The following NCKAP5 variants were observed in gnomAD, a reference collection of about 807,000 sequenced individuals.
The protein encoded by NCKAP5 is nck-associated protein 5.
A neutral mutation model predicts 167.0 loss-of-function variants in NCKAP5; 92 were observed. The observed-to-expected ratio is 0.55, with a 90% CI of 0.47 to 0.66. The LOEUF is 0.66. NCKAP5 is among the 30% of genes least tolerant of loss of function. NCKAP5 has a pLI of 0.00. For synonymous variants in NCKAP5, 891 were observed against 877.4 expected (o/e 1.02, Z -0.27); for missense variants, 2,378 against 2,315.0 (o/e 1.03, Z -0.56).
At chr2:133,614,434 C>A in the NCKAP5 span, among the ~76,000 whole-genome samples, 1 of 151,772 alleles carries the variant, frequency 6.6e-6, no homozygotes, top group South Asian at 2.1e-4. Flanking sequence ...CTAGAATAAC[C>A]AATACAGAGA....
chr2:132,979,642 A>T (rs888051960), intron 7 of NCKAP5, among the ~76,000 whole-genome samples: 32 of 152,112 alleles, frequency 2.1e-4, no homozygotes, highest in African/African-American at 7.7e-4. Context: ...CTTATCCAAC[A>T]TTCTCTGCTT....
Position 133,224,229 on chromosome 2 carries a change from T to C in NCKAP5, c.144-10450A>G, listed in dbSNP as rs560715933. On this transcript the variant is annotated intron_variant, in intron 4 of 19. Transcript: ENST00000409261. ...GCAGTCCATGAAGTAACAAGTGCCTTCTTACCTATTTATCTCCTTAGTGGG... is the reference window on the plus strand; with the variant it reads ...GCAGTCCATGAAGTAACAAGTGCCTCCTTACCTATTTATCTCCTTAGTGGG... Among the ~76,000 whole-genome samples, 6 of 152,344 alleles carry C rather than the reference T, an allele frequency of 3.9e-5. No individual in the cohort carries two copies. In the East Asian group the frequency reaches 7.7e-4, roughly 20 times the overall value.
At chr2:133,126,637 T>G (rs2149782952) in intron 6 of NCKAP5, among the ~76,000 whole-genome samples, 1 of 152,348 alleles carries the variant, frequency 6.6e-6, no homozygotes, top group Admixed American at 6.5e-5. Context: ...CTTCAGTGTC[T>G]TCTATAAAGT....
At chr2:132,689,983 C>G (rs1302606402) in intron 19 of NCKAP5, among the ~76,000 whole-genome samples, 2 of 152,134 alleles carry the variant, frequency 1.3e-5, no homozygotes, top group African/African-American at 4.8e-5. Flanking sequence ...CTTGAAGTCA[C>G]CTTTGACTCT....
At chr2:133,556,802 G>C (rs1687771486) in intron 2 of NCKAP5, 1 of 152,186 alleles carries the variant, frequency 6.6e-6, no homozygotes, top group African/African-American at 2.4e-5. Flanking sequence ...GTTTGGGTAT[G>C]GAGAGATGGA....
chr2:133,513,034 T>A (rs1683633838), intron 3 of NCKAP5, among the ~76,000 whole-genome samples: 1 of 152,082 alleles, frequency 6.6e-6, no homozygotes, highest in Non-Finnish European at 1.5e-5. Flanking sequence ...AGGAAGCCTA[T>A]CCCCCTGTAT....
intron 8 of NCKAP5, chr2:132,954,526 C>T (rs2076284500): frequency 5.2e-6 from 2 of 387,148 alleles, no homozygotes; most frequent in Admixed American, 3.3e-5. Context: ...TATTGAAATA[C>T]TGTGAACAAG....
intron 3 of NCKAP5, among the ~76,000 whole-genome samples, chr2:133,431,349 A>G (rs1167709263): frequency 1.3e-5 from 2 of 152,186 alleles, no homozygotes; most frequent in Non-Finnish European, 2.9e-5. Flanking sequence ...TACTTCCTGT[A>G]CAGAATTAAT....
chr2:133,360,388 G>C (rs1685018986), intron 3 of NCKAP5, among the ~76,000 whole-genome samples: 1 of 152,160 alleles, frequency 6.6e-6, no homozygotes, highest in African/African-American at 2.4e-5. Context: ...ATCATTTCTG[G>C]AAAGAGTGTG....
chr2:133,511,514 C>T (rs1234776077), intron 3 of NCKAP5, among the ~76,000 whole-genome samples: 3 of 152,232 alleles, frequency 2.0e-5, no homozygotes, highest in Non-Finnish European at 2.9e-5. Flanking sequence ...CTAACTCCAC[C>T]TCCACCCACT....
intron 3 of NCKAP5, among the ~76,000 whole-genome samples, chr2:133,335,164 C>G (rs902498738): frequency 6.6e-6 from 1 of 152,066 alleles, no homozygotes; most frequent in Non-Finnish European, 1.5e-5. Flanking sequence ...CCAACCCTTC[C>G]TGGTATCCAT....
chr2:133,612,674 T>C, the NCKAP5 span, among the ~76,000 whole-genome samples: 3 of 152,222 alleles, frequency 2.0e-5, no homozygotes, highest in East Asian at 1.9e-4. Context: ...CTTGTTTATA[T>C]TGGTATGTGG....
chr2:132,831,740 T>A (rs1687536925), intron 11 of NCKAP5, among the ~76,000 whole-genome samples: 1 of 152,080 alleles, frequency 6.6e-6, no homozygotes, highest in South Asian at 2.1e-4. Flanking sequence ...TGGTTTTGTA[T>A]TTAAATATAT....
Position 132,671,962 on chromosome 2 carries a change from T to C in NCKAP5, c.*1327A>G, listed in dbSNP as rs779987995. On this transcript the variant is annotated 3_prime_UTR_variant, in exon 20 of 20. Transcript: ENST00000409261. ...ACAATACTCTTTAAAGAAACAATTA[T>C]GTGCTAAAGTAGCCATATAGATCCT... 1 of 152,680 alleles carries C rather than the reference T, an allele frequency of 6.5e-6. No individual in the cohort carries two copies. The highest frequency in any genetic ancestry group is 2.4e-5 in the African/African-American group (1 of 41,468). The allele number at this position is 152,680 out of a possible 1,614,324, so 9.5% of individuals were successfully genotyped here.
At chr2:133,054,142 C>T (rs570603122) in intron 6 of NCKAP5, among the ~76,000 whole-genome samples, 4 of 152,054 alleles carry the variant, frequency 2.6e-5, no homozygotes, top group Admixed American at 6.6e-5. Context: ...AAAAAGCAGG[C>T]GATATCTAAT....
chr2:133,615,116 A>C, the NCKAP5 span, among the ~76,000 whole-genome samples: 1 of 151,676 alleles, frequency 6.6e-6, no homozygotes, highest in Non-Finnish European at 1.5e-5. Context: ...TTTTGTCACC[A>C]CCAGGCCTGC....
chr2:132,996,361 C>T (rs2077599405), intron 6 of NCKAP5, among the ~76,000 whole-genome samples: 1 of 152,188 alleles, frequency 6.6e-6, no homozygotes, highest in Non-Finnish European at 1.5e-5. Context: ...ATGTATACCT[C>T]CAGTGATTCC....
intron 2 of NCKAP5, among the ~76,000 whole-genome samples, chr2:133,544,385 T>C (rs536984057): frequency 4.0e-4 from 61 of 152,322 alleles, no homozygotes; most frequent in African/African-American, 1.4e-3. Context: ...GAAACCTACA[T>C]GGAAAATACA....
At chr2:133,032,913 G>A (rs1003048793) in intron 6 of NCKAP5, among the ~76,000 whole-genome samples, 5 of 152,082 alleles carry the variant, frequency 3.3e-5, no homozygotes, top group South Asian at 2.1e-4. Context: ...AGTGCTACAC[G>A]TTTTTAAACA....
Sources: gnomAD v4.1 joint callset for allele counts (sites outside exome capture counted in the v4.1 genomes callset) on GRCh38, gnomAD v4.1.1 for gene constraint, MANE v1.5 for transcripts, NCBI Gene and HGNC (gene_info 2026-07-23, HGNC 2026-07-21) for gene names.